Variants in R3HDM1 observed in about 807,000 individuals in gnomAD.
R3HDM1 encodes R3H domain containing 1, also known as R3H domain-containing protein 1.
Under a neutral mutation model 141.1 loss-of-function variants are expected in R3HDM1, and 46 were observed. The observed-to-expected ratio is 0.33, with a 90% CI of 0.26 to 0.42. The LOEUF is 0.42. R3HDM1 is among the 10% of genes least tolerant of loss of function. The pLI, the probability that R3HDM1 is intolerant of heterozygous loss-of-function variation, is 1.00. For synonymous variants in R3HDM1, 435 were observed against 472.9 expected (o/e 0.92, Z 1.04); for missense variants, 1,184 against 1,368.3 (o/e 0.87, Z 2.12).
chr2:135,551,156 G>A (rs972952886), intron 1 of R3HDM1, among the ~76,000 whole-genome samples: 1 of 152,218 alleles, frequency 6.6e-6, no homozygotes, highest in African/African-American at 2.4e-5. Context: ...ACAGAGTAGT[G>A]ATTCCCTGCC....
intron 16 of R3HDM1, chr2:135,649,142 T>G (rs2064835321): frequency 6.6e-6 from 1 of 151,566 alleles, no homozygotes. Context: ...CTCGGCTCAC[T>G]GCAAGCTCCG....
At chr2:135,564,658 T>G (rs1702398490) in intron 1 of R3HDM1, among the ~76,000 whole-genome samples, 1 of 152,118 alleles carries the variant, frequency 6.6e-6, no homozygotes, top group African/African-American at 2.4e-5. Flanking sequence ...CAGAGTAGAG[T>G]GAGATTGGTC....
rs551263307 is a variant in R3HDM1 at position 135,581,107 on chromosome 2, AG to A, written c.-249-21391del. The A allele has an allele frequency of 4.9e-4, 391 of 804,402 alleles. No individual in the cohort carries two copies. The African/African-American group carries it at 6.9e-3, about 14-fold the overall frequency. 49.8% of individuals were successfully genotyped at this position (804,402 alleles called of 1,614,324 possible). A position where few individuals can be genotyped will look rare whatever the true frequency, so the allele number is the denominator to read the frequency against. On this transcript the variant is annotated intron_variant, in intron 1 of 26. Transcript: ENST00000683871. ...TCTATGGTATGAAGAATAAATTAGA[AG>A]GCAGCAGAACCATTTTAAAGGCTGG...
chr2:135,590,855 G>A, intron 1 of R3HDM1: 1 of 411,918 alleles, frequency 2.4e-6, no homozygotes, highest in Non-Finnish European at 3.3e-6. Context: ...TATTTTTACT[G>A]GCCACAAAAT....
intron 1 of R3HDM1, chr2:135,550,335 C>A: frequency 3.1e-6 from 2 of 640,312 alleles, no homozygotes; most frequent in African/African-American, 2.0e-5. Context: ...AGCTTTCATA[C>A]AGCTACTCTA....
At chr2:135,611,095 C>T (rs2060494720) in intron 3 of R3HDM1, among the ~76,000 whole-genome samples, 1 of 147,792 alleles carries the variant, frequency 6.8e-6, no homozygotes, top group South Asian at 2.2e-4. Context: ...CAGAGTAAGA[C>T]CTGTCCCTTA....
At chr2:135,679,330 A>C (rs1181426811) in intron 20 of R3HDM1, among the ~76,000 whole-genome samples, 2 of 152,010 alleles carry the variant, frequency 1.3e-5, no homozygotes, top group African/African-American at 4.8e-5. Context: ...CTATAACTAG[A>C]TACTTTAGTT....
At chr2:135,655,569 C>T (rs1385545485) in intron 18 of R3HDM1, among the ~76,000 whole-genome samples, 1 of 151,530 alleles carries the variant, frequency 6.6e-6, no homozygotes, top group Non-Finnish European at 1.5e-5. Flanking sequence ...TGCAGTGGCG[C>T]GATCTCGGCT....
At chr2:135,620,717 T>G in intron 5 of R3HDM1, 1 of 907,004 alleles carries the variant, frequency 1.1e-6, no homozygotes, top group Non-Finnish European at 1.3e-6. Context: ...TTTATAACTT[T>G]ACCTAAGTAA....
intron 9 of R3HDM1, 24 bp downstream of exon 9, chr2:135,632,025 C>T (rs1248419266): frequency 2.6e-6 from 4 of 1,521,352 alleles, no homozygotes; most frequent in Middle Eastern, 1.8e-4. Flanking sequence ...GATGTAACTA[C>T]ATATTATATA....
chr2:135,616,843 G>T (rs2061065678), intron 5 of R3HDM1, 86 bp downstream of exon 5: 2 of 1,207,902 alleles, frequency 1.7e-6, no homozygotes, highest in South Asian at 2.8e-5. Context: ...TGTTATATTT[G>T]TTTTATTTTG....
At chr2:135,629,667 G>T (rs2062437994) in intron 7 of R3HDM1, among the ~76,000 whole-genome samples, 1 of 152,184 alleles carries the variant, frequency 6.6e-6, no homozygotes, top group South Asian at 2.1e-4. Context: ...AGAAAGACAG[G>T]AGCTTGGCAA....
At chr2:135,623,767 G>A (rs768897676) in intron 7 of R3HDM1, among the ~76,000 whole-genome samples, 2 of 152,244 alleles carry the variant, frequency 1.3e-5, no homozygotes, top group Non-Finnish European at 2.9e-5. Flanking sequence ...GATATGAAAA[G>A]GTATTACATA....
At chr2:135,665,331 T>C (rs1212828892) in intron 19 of R3HDM1, 3 of 485,426 alleles carry the variant, frequency 6.2e-6, no homozygotes, top group South Asian at 1.6e-5. Flanking sequence ...ATTATTCTTA[T>C]GACTCTTGAC....
intron 11 of R3HDM1, among the ~76,000 whole-genome samples, chr2:135,636,623 T>C (rs1224449723): frequency 6.6e-6 from 1 of 152,142 alleles, no homozygotes; most frequent in Non-Finnish European, 1.5e-5. Context: ...TGTAGGTTAA[T>C]ATCTGTTTTC....
chr2:135,630,281 CAAAAAAAAAAA>C (rs911009655), intron 7 of R3HDM1, among the ~76,000 whole-genome samples: 77 of 39,324 alleles, frequency 2.0e-3, no homozygotes, highest in Admixed American at 3.6e-3. Context: ...CCTTCTCAAC[CAAAAAAAAAAA>C]AAAAAAAAAA....
chr2:135,605,896 C>T (rs1047763148), intron 3 of R3HDM1: 1 of 152,252 alleles, frequency 6.6e-6, no homozygotes, highest in African/African-American at 2.4e-5. Context: ...GTTGCCTAGG[C>T]TGTTCTAGAA....
chr2:135,698,604 A>G (rs940529625), intron 21 of R3HDM1, among the ~76,000 whole-genome samples: 10 of 152,196 alleles, frequency 6.6e-5, no homozygotes, highest in African/African-American at 2.4e-4. Flanking sequence ...GCATTGCTAT[A>G]AAGAAATGCC....
In R3HDM1 at chr2:135,635,503, T is replaced by C. The variant is rs1290478969; in HGVS notation, c.699-387T>C. On this transcript the variant is annotated intron_variant, in intron 9 of 26. Coordinates refer to ENST00000683871, the MANE Select transcript of R3HDM1 (RefSeq NM_001378107.1). ...TACTGTTTTATGTGTTACTGACATTTTCATTTCATCTTCAGAACAACCCTA... is the reference window on the plus strand; with the variant it reads ...TACTGTTTTATGTGTTACTGACATTCTCATTTCATCTTCAGAACAACCCTA... Among the ~76,000 whole-genome samples, 8 of 152,360 alleles carry C rather than the reference T, an allele frequency of 5.3e-5. No individual in the cohort carries two copies. The East Asian group carries it at 1.3e-3, about 26-fold the overall frequency.
Sources: allele counts gnomAD v4.1 joint callset (sites outside exome capture counted in the v4.1 genomes callset), GRCh38; gene constraint gnomAD v4.1.1; transcripts MANE v1.5; gene names NCBI Gene and HGNC (gene_info 2026-07-23, HGNC 2026-07-21).